Variants in NOTUM observed in about 807,000 individuals in gnomAD.
NOTUM encodes palmitoleoyl-protein carboxylesterase NOTUM.
Under a neutral mutation model 65.5 loss-of-function variants are expected in NOTUM, and 36 were observed. That is an observed-to-expected ratio of 0.55 (90% confidence interval 0.42 to 0.73). The LOEUF is 0.73. NOTUM is among the 30% of genes least tolerant of loss of function. The pLI, the probability that NOTUM is intolerant of heterozygous loss-of-function variation, is 0.00. For synonymous variants in NOTUM, 356 were observed against 297.9 expected (o/e 1.20, Z -2.01); for missense variants, 659 against 694.2 (o/e 0.95, Z 0.57).
intron 7 of NOTUM, 27 bp from the exon 8 acceptor site, chr17:81,956,777 G>A: frequency 6.2e-7 from 1 of 1,603,060 alleles, no homozygotes; most frequent in Non-Finnish European, 8.5e-7. Flanking sequence ...AGGTTAGGCT[G>A]CCGTGGGTCT....
rs2041401280 is a variant in NOTUM at position 81,953,236 on chromosome 17, A to C, written c.1216T>G (p.Ser406Ala). Residue 406 changes from serine to alanine, a missense_variant, in exon 11 of 11, where the codon TCG (serine) becomes GCG (alanine). Transcript: ENST00000409678. The stretch of plus-strand genomic sequence containing the variant: ...CAGCAGTGCAGTGCTCGGGGCAGCG[A>C]CGTCCCCTTCACCTGGACATCCGTC... ...HWTDVQVKGT[S>A]LPRALHCWDR... The C allele has an allele frequency of 6.2e-7, 1 of 1,611,256 alleles. No homozygotes were observed. The highest frequency in any genetic ancestry group is 8.5e-7 in the Non-Finnish European group (1 of 1,179,482).
chr17:81,954,930 G>A (rs940922955), intron 9 of NOTUM, among the ~76,000 whole-genome samples: 6 of 96,144 alleles, frequency 6.2e-5, no homozygotes, highest in African/African-American at 2.0e-4. Flanking sequence ...GACCGATCTC[G>A]ATCTCTCTCT....
chr17:81,959,665 G>C lies in NOTUM; in HGVS notation c.351C>G (p.Ser117Arg), dbSNP rs1479118195. 2 of 1,542,760 alleles carry C rather than the reference G, an allele frequency of 1.3e-6. No individual in the cohort carries two copies. The highest frequency in any genetic ancestry group is 3.9e-5 in the Admixed American group (2 of 50,774). The change falls in exon 2 of 11, where the codon AGC (serine) becomes AGG (arginine). Residue 117 changes from serine (S) to arginine (R), a missense_variant. Ser to Arg is a moderately radical substitution (Grantham distance 110). Coordinates refer to ENST00000409678, the MANE Select transcript of NOTUM (RefSeq NM_178493.6). ...AGYYLKESRG[S>R]RRWLLFLEGG... ...CTTCCAGGAAGAGGAGCCACCGCCG[G>C]CTGCCCCTGGACTCCTTCAGGTAGT...
At chr17:81,958,474 C>A (rs2041449926) in intron 4 of NOTUM, 81 bp from the exon 5 acceptor site, 2 of 889,756 alleles carry the variant, frequency 2.2e-6, no homozygotes, top group East Asian at 4.8e-5. Flanking sequence ...ACAGGACCCT[C>A]AGAAAAGACC....
Position 81,955,451 on chromosome 17 carries a change from CG to C in NOTUM, c.1081del (p.Arg361GlyfsTer42). 3 of 1,603,328 alleles carry C rather than the reference CG, an allele frequency of 1.9e-6. No homozygotes were observed. The highest frequency in any genetic ancestry group is 2.6e-6 in the Non-Finnish European group (3 of 1,175,916). Reference sequence around the variant, plus strand: ...GCGGCCGAGGTTCTGGATGTACAGCCGCAGGCCCTCCTGCACCGGCTGCCCC... The same window carrying C: ...GCGGCCGAGGTTCTGGATGTACAGCCCAGGCCCTCCTGCACCGGCTGCCCC... ...LTGQPVQEGL[R>X]LYIQNLGREL... is the part of the protein sequence containing the mutation. On this transcript the variant is annotated frameshift_variant, in exon 9 of 11. Coordinates refer to ENST00000409678, the MANE Select transcript of NOTUM (RefSeq NM_178493.6). LOFTEE classifies it high-confidence loss of function.
intron 10 of NOTUM, 64 bp from the exon 11 acceptor site, chr17:81,953,331 T>G (rs1436639334): frequency 5.7e-6 from 4 of 701,990 alleles, no homozygotes; most frequent in Middle Eastern, 4.9e-4. Flanking sequence ...GAGGCAGCTG[T>G]TTTTTTTTTT....
rs1362619677 is a variant in NOTUM at position 81,959,557 on chromosome 17, T to A, written c.386A>T (p.Tyr129Phe). The stretch of plus-strand genomic sequence containing the variant: ...GTCGCAGTTCTCGCGGTTGAAGCAG[T>A]ACCAGCCGCCTGCGGACACGACCGC... Reference protein sequence around the residue: ...RWLLFLEGGWYCFNRENCDSR... With the variant: ...RWLLFLEGGWFCFNRENCDSR... The change falls in exon 3 of 11, where the codon TAC becomes TTC. Residue 129 changes from tyrosine (Y) to phenylalanine (F), a missense_variant. Tyr to Phe is a conservative substitution (Grantham distance 22, BLOSUM62 3). Coordinates refer to ENST00000409678, the MANE Select transcript of NOTUM (RefSeq NM_178493.6). The A allele has an allele frequency of 6.5e-7, 1 of 1,548,676 alleles. No homozygotes were observed. Among genetic ancestry groups the A allele is most frequent in the East Asian group, 2.4e-5 (1 of 40,864 alleles).
rs774109195 is a variant in NOTUM, at chr17:81,958,360, G to A, written c.567C>T (p.Ser189=). The change falls in exon 5 of 11, where the codon AGC becomes AGT. Residue 189 remains serine (S), a synonymous_variant. Coordinates refer to ENST00000409678, the MANE Select transcript of NOTUM (RefSeq NM_178493.6). ...FIPYCSSDVW[S]GASSKSEKNE... is the part of the protein sequence containing the mutation. ...TCTTCTCAGACTTGGATGAAGCCCC[G>A]CTCCAAACATCACTGGAGCAGTAGG... 5 of 1,610,314 alleles carry A rather than the reference G, an allele frequency of 3.1e-6. No homozygotes were observed. The highest frequency in any genetic ancestry group is 4.5e-5 in the East Asian group (2 of 44,880).
At chr17:81,953,380 C>G in intron 10 of NOTUM, 113 bp from the exon 11 acceptor site, 3 of 678,074 alleles carry the variant, frequency 4.4e-6, no homozygotes, top group Non-Finnish European at 5.1e-6. Context: ...ACTGCAGCCT[C>G]CGCCTCCCGG....
At position 81,957,095 on chromosome 17, in the gene NOTUM, G is replaced by C. The variant is rs538054735; in HGVS notation, c.696-21C>G. Reference sequence around the variant, plus strand: ...CCGCGCTGCAAGGAGGGCCAGACGTGAGGCCAGGTGGCTGGGAAGAGGCAC... The same window carrying C: ...CCGCGCTGCAAGGAGGGCCAGACGTCAGGCCAGGTGGCTGGGAAGAGGCAC... On this transcript the variant is annotated intron_variant, in intron 6 of 10. Coordinates refer to ENST00000409678, the MANE Select transcript of NOTUM (RefSeq NM_178493.6). 1.5e-5 allele frequency: 23 copies of C among 1,580,004 alleles called. No individual in the cohort carries two copies. The African/African-American group carries it at 2.8e-4, about 19-fold the overall frequency.
In NOTUM at chr17:81,958,925, G is replaced by A. The variant is rs949306281; in HGVS notation, c.533+10C>T. The A allele has an allele frequency of 1.9e-6, 3 of 1,608,916 alleles. No homozygotes were observed. The highest frequency in any genetic ancestry group is 2.6e-6 in the Non-Finnish European group (3 of 1,175,928). The stretch of plus-strand genomic sequence containing the variant: ...GCAGGACTCCCAGGCAAGACCCTGT[G>A]CCCCCTTACACCATGTTTGCGTTCC... On this transcript the variant is annotated intron_variant, in intron 4 of 10. Coordinates refer to ENST00000409678, the MANE Select transcript of NOTUM (RefSeq NM_178493.6).
Position 81,960,589 on chromosome 17 carries a change from G to A in NOTUM, c.321C>T (p.Ala107=). ...GAGGTGCAGGGCGCGGGCCTTACCC[G>A]GCGGGGCTGCCGTCGTTGCAGGTCA... ...TSVTCNDGSP[A]GYYLKESRGS... is the part of the protein sequence containing the mutation. The change falls in exon 1 of 11, where the codon GCC becomes GCT. Residue 107 remains alanine, a splice_region_variant and synonymous_variant. Coordinates refer to ENST00000409678, the MANE Select transcript of NOTUM (RefSeq NM_178493.6). The surrounding 1 kb of genome is among the most constrained non-coding windows in gnomAD (Gnocchi z 6.4). 3 of 1,499,700 alleles carry A rather than the reference G, an allele frequency of 2.0e-6. No homozygotes were observed. Among genetic ancestry groups the A allele is most frequent in the Non-Finnish European group, 1.8e-6 (2 of 1,112,162 alleles). 92.9% of individuals were successfully genotyped at this position (1,499,700 alleles called of 1,614,324 possible). A position where few individuals can be genotyped will look rare whatever the true frequency, so the allele number is the denominator to read the frequency against.
chr17:81,954,931 A>ATCTCTCTCTCTC (rs35033192), intron 9 of NOTUM, among the ~76,000 whole-genome samples: 1 of 110,024 alleles, frequency 9.1e-6, no homozygotes, highest in Admixed American at 8.9e-5. Flanking sequence ...ACCGATCTCG[A>ATCTCTCTCTCTC]TCTCTCTCTC....
chr17:81,960,792 C>T lies in NOTUM; in HGVS notation c.118G>A (p.Glu40Lys). The change falls in exon 1 of 11, where the codon GAG (glutamate) becomes AAG (lysine). Residue 40 changes from glutamate to lysine, a missense_variant. Physicochemically the swap from Glu to Lys is moderately conservative, Grantham distance 56. Transcript: ENST00000409678. This position sits in a 1 kb window ranked among gnomAD's most constrained non-coding sequence, Gnocchi z 6.4. The stretch of plus-strand genomic sequence containing the variant: ...GGCTGTCCGGCCGCCGGCGCCGCCT[C>T]GGTCCGCGGGGGAGGAGGCGGCTGC... ...GQQPPPPPRT[E>K]AAPAAGQPVE... is the part of the protein sequence containing the mutation. The T allele has an allele frequency of 1.9e-6, 3 of 1,556,170 alleles. No homozygotes were observed. The highest frequency in any genetic ancestry group is 2.6e-6 in the Non-Finnish European group (3 of 1,152,078).
At chr17:81,959,298 T>C in intron 3 of NOTUM, 173 bp downstream of exon 3, 1 of 621,312 alleles carries the variant, frequency 1.6e-6, no homozygotes. Context: ...TGAATGCTAA[T>C]GTGGAATGGG....
chr17:81,958,429 C>CT (rs1403586384), intron 4 of NOTUM, 36 bp from the exon 5 acceptor site: 2 of 1,508,578 alleles, frequency 1.3e-6, no homozygotes, highest in Non-Finnish European at 1.8e-6. Flanking sequence ...GTCACAGCGC[C>CT]TGCCGCCCGG....
rs1296765364 is a variant in NOTUM at position 81,961,013 on chromosome 17, C to T, written c.-104G>A. The T allele has an allele frequency of 8.4e-6, 4 of 477,720 alleles. No individual in the cohort carries two copies. The highest frequency in any genetic ancestry group is 6.2e-5 in the African/African-American group (3 of 48,006). 29.6% of individuals were successfully genotyped at this position (477,720 alleles called of 1,614,324 possible). On this transcript the variant is annotated 5_prime_UTR_variant, in exon 1 of 11. Transcript: ENST00000409678. ...GGCCGGGGGTGTCGGGGGCACTGGCCGCTCCTGCTCCCTCGCCCCCGCTCC... is the reference window on the plus strand; with the variant it reads ...GGCCGGGGGTGTCGGGGGCACTGGCTGCTCCTGCTCCCTCGCCCCCGCTCC...
chr17:81,958,119 C>T (rs1247305308), intron 5 of NOTUM, among the ~76,000 whole-genome samples: 1 of 152,164 alleles, frequency 6.6e-6, no homozygotes, highest in Non-Finnish European at 1.5e-5. Flanking sequence ...AAATAAGGAC[C>T]TCCTACAGTT....
At chr17:81,958,647 A>G (rs1485533156) in intron 4 of NOTUM, among the ~76,000 whole-genome samples, 1 of 151,824 alleles carries the variant, frequency 6.6e-6, no homozygotes, top group Non-Finnish European at 1.5e-5. Flanking sequence ...GGACCATCCC[A>G]GGACAGGATC....
Sources: gnomAD v4.1 joint callset for allele counts (sites outside exome capture counted in the v4.1 genomes callset) on GRCh38, gnomAD v4.1.1 for gene constraint, Gnocchi (gnomAD v3.1) non-coding constraint, MANE v1.5 for transcripts, NCBI Gene and HGNC (gene_info 2026-07-23, HGNC 2026-07-21) for gene names.